GRK5: variants seen among roughly 807,000 people sequenced by gnomAD.
GRK5 encodes the protein g protein-coupled receptor kinase GRK5.
GRK5 carries 40 observed loss-of-function variants against 78.4 expected under a neutral mutation model. The ratio of observed to expected loss-of-function variants is 0.51; its 90% CI spans 0.40 to 0.66. The LOEUF is 0.66. Among genes scored for constraint, GRK5 ranks in the 30% least tolerant of loss-of-function variants. GRK5 has a pLI of 0.00. For missense variants in GRK5, 598 were observed against 759.9 expected (o/e 0.79, Z 2.50); for synonymous variants, 289 against 296.8 (o/e 0.97, Z 0.27).
intron 9 of GRK5, among the ~76,000 whole-genome samples, chr10:119,438,608 A>G (rs543816209): frequency 6.6e-6 from 1 of 152,216 alleles, no homozygotes; most frequent in African/African-American, 2.4e-5. Flanking sequence ...AAGAAAAAAG[A>G]AAGCCCTCCA....
chr10:119,228,794 G>A (rs1589690664), intron 1 of GRK5, among the ~76,000 whole-genome samples: 1 of 152,100 alleles, frequency 6.6e-6, no homozygotes, highest in South Asian at 2.1e-4. Context: ...ACAATGCCTT[G>A]TAAATGTAAG....
At chr10:119,248,416 T>C (rs1007896068) in intron 1 of GRK5, among the ~76,000 whole-genome samples, 1 of 152,170 alleles carries the variant, frequency 6.6e-6, no homozygotes, top group South Asian at 2.1e-4. Flanking sequence ...CACTGGCCCA[T>C]GTGCAGATGA....
chr10:119,225,554 G>C (rs10749301), intron 1 of GRK5, among the ~76,000 whole-genome samples: 145,831 of 152,230 alleles, frequency 0.96, 70,150 homozygotes, highest in East Asian at 1. Context: ...ACCTCACCCA[G>C]TTCTGCATTC....
intron 3 of GRK5, among the ~76,000 whole-genome samples, chr10:119,387,431 A>C (rs1851819550): frequency 6.6e-6 from 1 of 151,956 alleles, no homozygotes; most frequent in East Asian, 1.9e-4. Flanking sequence ...CTGCAGGGGG[A>C]GTTTGGCCTT....
At chr10:119,276,035 A>G (rs989738214) in intron 1 of GRK5, among the ~76,000 whole-genome samples, 2 of 152,198 alleles carry the variant, frequency 1.3e-5, no homozygotes, top group Non-Finnish European at 2.9e-5. Flanking sequence ...TTGCCAGATT[A>G]AAGTTTCATA....
At chr10:119,241,410 T>C (rs1849023670) in intron 1 of GRK5, among the ~76,000 whole-genome samples, 1 of 152,198 alleles carries the variant, frequency 6.6e-6, no homozygotes, top group South Asian at 2.1e-4. Flanking sequence ...ACAGGTTCAA[T>C]AAGACTTTGC....
At chr10:119,394,996 A>C (rs1364431987) in intron 3 of GRK5, among the ~76,000 whole-genome samples, 1 of 151,048 alleles carries the variant, frequency 6.6e-6, no homozygotes, top group Non-Finnish European at 1.5e-5. Context: ...CCAGTCCCTC[A>C]AGGCTCATCT....
At chr10:119,369,450 G>A (rs560247432) in intron 2 of GRK5, among the ~76,000 whole-genome samples, 1 of 152,290 alleles carries the variant, frequency 6.6e-6, no homozygotes, top group Admixed American at 6.5e-5. Flanking sequence ...AAGTTCTTCT[G>A]AGCAGCTGCG....
Position 119,436,658 on chromosome 10 carries a change from T to A in GRK5, c.746T>A (p.Leu249Gln). Residue 249 changes from leucine (L) to glutamine (Q), a missense_variant, in exon 9 of 16, where the codon CTG becomes CAG. By Grantham distance (113) the Leu-to-Gln change is moderately radical. Coordinates refer to ENST00000392870, the MANE Select transcript of GRK5 (RefSeq NM_005308.3). Reference sequence around the variant, plus strand: ...CTGTTCTTGTGCTCCCAGGTCAACCTGGCCTATGCCTACGAGACCAAGGAT... The same window carrying A: ...CTGTTCTTGTGCTCCCAGGTCAACCAGGCCTATGCCTACGAGACCAAGGAT... ...EKVNSQFVVN[L>Q]AYAYETKDAL... is the part of the protein sequence containing the mutation. The A allele has an allele frequency of 6.2e-7, 1 of 1,614,164 alleles. No homozygotes were observed. The highest frequency in any genetic ancestry group is 8.5e-7 in the Non-Finnish European group (1 of 1,180,020).
intron 2 of GRK5, among the ~76,000 whole-genome samples, chr10:119,337,649 T>C (rs1850914345): frequency 6.6e-6 from 1 of 152,130 alleles, no homozygotes; most frequent in African/African-American, 2.4e-5. Context: ...GACAGAGTTT[T>C]GCTCTTGTTG....
At chr10:119,402,316 C>T (rs1428885870) in intron 4 of GRK5, among the ~76,000 whole-genome samples, 5 of 152,098 alleles carry the variant, frequency 3.3e-5, no homozygotes, top group Non-Finnish European at 5.9e-5. Context: ...GGTTTGTCAG[C>T]TCACAGAAGC....
intron 2 of GRK5, among the ~76,000 whole-genome samples, chr10:119,351,860 G>T (rs937873478): frequency 1.3e-5 from 2 of 152,208 alleles, no homozygotes; most frequent in Non-Finnish European, 1.5e-5. Flanking sequence ...GAAGTGAAAT[G>T]ATTCATCCAA....
intron 1 of GRK5, among the ~76,000 whole-genome samples, chr10:119,289,451 A>G (rs10749311): frequency 0.99 from 151,405 of 152,360 alleles, 75,232 homozygotes; most frequent in East Asian, 1. Flanking sequence ...AGGAGGCCGC[A>G]CCTGACCTGC....
chr10:119,374,364 T>C (rs186279958), intron 2 of GRK5, among the ~76,000 whole-genome samples: 2 of 152,038 alleles, frequency 1.3e-5, no homozygotes, highest in Admixed American at 1.3e-4. Flanking sequence ...AGGCCTGGGG[T>C]GTGGTATCTT....
chr10:119,299,432 C>A (rs868572365), intron 1 of GRK5, among the ~76,000 whole-genome samples: 440 of 123,642 alleles, frequency 3.6e-3, no homozygotes, highest in East Asian at 3.8e-3. Context: ...GACTCCAGCT[C>A]AAAAAAAAAA....
At chr10:119,375,399 T>G (rs529328508) in intron 2 of GRK5, among the ~76,000 whole-genome samples, 4 of 152,322 alleles carry the variant, frequency 2.6e-5, no homozygotes, top group African/African-American at 9.6e-5. Context: ...CATTCCCATA[T>G]TCTAGTGTGC....
At chr10:119,361,334 A>G (rs1189816250) in intron 2 of GRK5, among the ~76,000 whole-genome samples, 1 of 152,298 alleles carries the variant, frequency 6.6e-6, no homozygotes, top group East Asian at 1.9e-4. Context: ...CTGCTTTCTG[A>G]CTGCCTAGAT....
chr10:119,254,649 C>T (rs1457858518), intron 1 of GRK5, among the ~76,000 whole-genome samples: 2 of 152,022 alleles, frequency 1.3e-5, no homozygotes, highest in Non-Finnish European at 2.9e-5. Flanking sequence ...CCCAGCCCAG[C>T]AATCTGAGTG....
chr10:119,439,688 C>G (rs773515512), intron 9 of GRK5, 43 bp from the exon 10 acceptor site: 11 of 1,604,764 alleles, frequency 6.9e-6, no homozygotes, highest in Non-Finnish European at 9.4e-6. Flanking sequence ...ATCCTACCTG[C>G]CCAGAATGCC....
Sources: allele counts gnomAD v4.1 joint callset (sites outside exome capture counted in the v4.1 genomes callset), GRCh38; gene constraint gnomAD v4.1.1; transcripts MANE v1.5; gene names NCBI Gene and HGNC (gene_info 2026-07-23, HGNC 2026-07-21).